The following DAPK3 variants were observed in gnomAD, a reference collection of about 807,000 sequenced individuals.
DAPK3 encodes the protein death associated protein kinase 3, also known as death-associated protein kinase 3.
A neutral mutation model predicts 30.6 loss-of-function variants in DAPK3; 24 were observed. The observed-to-expected ratio is 0.78, with a 90% CI of 0.57 to 1.10. The LOEUF is 1.10. Among genes scored for constraint, DAPK3 ranks in the 50% least tolerant of loss-of-function variants. The pLI, the probability that DAPK3 is intolerant of heterozygous loss-of-function variation, is 0.00. For synonymous variants in DAPK3, 341 were observed against 284.0 expected (o/e 1.20, Z -2.02); for missense variants, 629 against 657.3 (o/e 0.96, Z 0.47).
chr19:3,960,774 ACTCCGT>A (rs2039500988), intron 7 of DAPK3, among the ~76,000 whole-genome samples: 1 of 121,348 alleles, frequency 8.2e-6, no homozygotes. Flanking sequence ...ACAGAGCAAG[ACTCCGT>A]CTCAAAAAAA....
Position 3,960,114 on chromosome 19 carries a change from C to T in DAPK3, c.783-10G>A. 6.6e-7 allele frequency: 1 copy of T among 1,513,628 alleles called. No individual in the cohort carries two copies. The highest frequency in any genetic ancestry group is 1.1e-5 in the South Asian group (1 of 88,898). The allele number at this position is 1,513,628 out of a possible 1,614,324, so 93.8% of individuals were successfully genotyped here. A position where few individuals can be genotyped will look rare whatever the true frequency, so the allele number is the denominator to read the frequency against. On this transcript the variant is annotated splice_polypyrimidine_tract_variant and intron_variant, in intron 7 of 8. Transcript: ENST00000545797. ...AATGGTCATTCTCCGCCTGGAAGAC[C>T]CCCGCTCTGGTTAGGTACACCTGCA...
intron 6 of DAPK3, among the ~76,000 whole-genome samples, chr19:3,963,367 G>C (rs1021813620): frequency 3.3e-5 from 5 of 152,092 alleles, no homozygotes; most frequent in Admixed American, 1.3e-4. Context: ...TCGAGAGGAG[G>C]CTGGGCTCCC....
chr19:3,968,397 G>A (rs1459436255), intron 2 of DAPK3, among the ~76,000 whole-genome samples: 1 of 152,000 alleles, frequency 6.6e-6, no homozygotes, highest in Non-Finnish European at 1.5e-5. Context: ...CGGGAGGCTA[G>A]GCTGGAGGCC....
rs886649215 is a variant in DAPK3, at chr19:3,959,104, G to C, written c.1362C>G (p.Arg454=). Residue 454 remains arginine, a synonymous_variant, in exon 9 of 9, where the codon CGC becomes CGG. Transcript: ENST00000545797. ...EKLQGVECGL[R] ...GGCCTGGCCCACCCCACTGCGCCTAGCGCAGCCCGCACTCCACGCCCTGCA... is the reference window on the plus strand; with the variant it reads ...GGCCTGGCCCACCCCACTGCGCCTACCGCAGCCCGCACTCCACGCCCTGCA... 4 of 1,535,784 alleles carry C rather than the reference G, an allele frequency of 2.6e-6. No individual in the cohort carries two copies. The South Asian group carries it at 4.8e-5, about 18-fold the overall frequency.
At chr19:3,970,823 A>T (rs1365263909) in intron 1 of DAPK3, 98 bp downstream of exon 1, 1 of 152,162 alleles carries the variant, frequency 6.6e-6, no homozygotes, top group African/African-American at 2.4e-5. Flanking sequence ...GCCCATCCCT[A>T]AGGCTCCGCT....
intron 6 of DAPK3, chr19:3,961,431 G>A (rs543903246): frequency 1.2e-4 from 71 of 599,206 alleles, no homozygotes; most frequent in African/African-American, 7.0e-4. Flanking sequence ...CTGTGCAGAC[G>A]CAGAGCCCGA....
chr19:3,967,690 G>A (rs1451296504), intron 2 of DAPK3, among the ~76,000 whole-genome samples: 2 of 152,234 alleles, frequency 1.3e-5, no homozygotes, highest in Non-Finnish European at 2.9e-5. Context: ...GGGAGGCGAA[G>A]ATTGCAGTGA....
intron 1 of DAPK3, among the ~76,000 whole-genome samples, chr19:3,970,277 T>C (rs1192181179): frequency 6.6e-6 from 1 of 152,122 alleles, no homozygotes; most frequent in Non-Finnish European, 1.5e-5. Context: ...GTGTTGTTGT[T>C]TTTTGAGAAG....
Position 3,959,525 on chromosome 19 carries a change from G to A in DAPK3, c.941C>T (p.Pro314Leu). The A allele has an allele frequency of 2.5e-6, 4 of 1,571,390 alleles. No homozygotes were observed. The highest frequency in any genetic ancestry group is 3.4e-6 in the Non-Finnish European group (4 of 1,166,818). Residue 314 changes from proline to leucine, a missense_variant, in exon 9 of 9, where the codon CCG (proline) becomes CTG (leucine). By Grantham distance (98) the Pro-to-Leu change is moderately conservative. Around this residue, in one of 2 missense-constraint regions of DAPK3, gnomAD observed 323 missense variants for 278.8 expected, o/e 1.16. Transcript: ENST00000545797. ...GAAGTCGGCGTAGCTGTTGTTGGGC[G>A]GCAAGCTGGAGTGCGACTTGATGGT... is the stretch of plus-strand genomic sequence containing the variant. ...EYTIKSHSSL[P>L]PNNSYADFER... is the part of the protein sequence containing the mutation.
chr19:3,959,056 A>AGGCCGGAGAG lies in DAPK3; in HGVS notation c.*44_*45insCTCTCCGGCC. The AGGCCGGAGAG allele has an allele frequency of 7.6e-7, 1 of 1,311,516 alleles. No individual in the cohort carries two copies. Among genetic ancestry groups the AGGCCGGAGAG allele is most frequent in the South Asian group, 1.5e-5 (1 of 65,832 alleles). 81.2% of individuals were successfully genotyped at this position (1,311,516 alleles called of 1,614,324 possible). A position where few individuals can be genotyped will look rare whatever the true frequency, so the allele number is the denominator to read the frequency against. ...CGTCCACAGGAAGCGCCCCCACCGC[A>AGGCCGGAGAG]GGCCGAGCTCCGGCTGTCCTGGGGC... is the stretch of plus-strand genomic sequence containing the variant. On this transcript the variant is annotated 3_prime_UTR_variant, in exon 9 of 9. Transcript: ENST00000545797.
At chr19:3,963,566 T>C in intron 6 of DAPK3, 77 bp downstream of exon 6, 1 of 919,726 alleles carries the variant, frequency 1.1e-6, no homozygotes, top group South Asian at 1.6e-5. Flanking sequence ...ACCCCTGGCG[T>C]CCACATGAGA....
intron 6 of DAPK3, among the ~76,000 whole-genome samples, chr19:3,962,048 A>G (rs2039522490): frequency 6.6e-6 from 1 of 152,082 alleles, no homozygotes; most frequent in African/African-American, 2.4e-5. Flanking sequence ...TAGTAGAGAC[A>G]TGGTTTCATC....
intron 5 of DAPK3, 82 bp downstream of exon 5, chr19:3,963,787 AGG>A (rs772898130): frequency 1.3e-4 from 160 of 1,233,796 alleles, no homozygotes; most frequent in Non-Finnish European, 1.6e-4. Flanking sequence ...AACAGCAGCA[AGG>A]CCCCGCTTCA....
At chr19:3,966,183 G>T (rs2039575663) in intron 2 of DAPK3, among the ~76,000 whole-genome samples, 1 of 152,166 alleles carries the variant, frequency 6.6e-6, no homozygotes, top group Admixed American at 6.5e-5. Context: ...CTTCAAACCA[G>T]GTGCTGCAGG....
At chr19:3,970,298 C>G (rs1178325357) in intron 1 of DAPK3, among the ~76,000 whole-genome samples, 1 of 152,180 alleles carries the variant, frequency 6.6e-6, no homozygotes, top group Non-Finnish European at 1.5e-5. Context: ...GAGTCTCGCT[C>G]TGTCGCCCTG....
Position 3,969,842 on chromosome 19 carries a change from G to A in DAPK3, c.-94-13C>T, listed in dbSNP as rs1364338828. The A allele has an allele frequency of 5.3e-6, 4 of 749,544 alleles. No individual in the cohort carries two copies. Among genetic ancestry groups the A allele is most frequent in the Non-Finnish European group, 9.4e-6 (4 of 427,020 alleles). The allele number at this position is 749,544 out of a possible 1,614,324, so 46.4% of individuals were successfully genotyped here. On this transcript the variant is annotated splice_polypyrimidine_tract_variant and intron_variant, in intron 1 of 8. Transcript: ENST00000545797. ...CCTAATGGCAACCCTGGAGAAGACA[G>A]GGAAAGACAGAAGTGAGGAACTGAG...
rs773818338 is a variant in DAPK3 at position 3,969,784 on chromosome 19, C to CACCGCAGCCTGGAGATAGG, written c.-68_-50dup. 7.1e-7 allele frequency: 1 copy of CACCGCAGCCTGGAGATAGG among 1,412,014 alleles called. No individual in the cohort carries two copies. Among genetic ancestry groups the CACCGCAGCCTGGAGATAGG allele is most frequent in the Non-Finnish European group, 1.0e-6 (1 of 1,000,322 alleles). The allele number at this position is 1,412,014 out of a possible 1,614,324, so 87.5% of individuals were successfully genotyped here. A position where few individuals can be genotyped will look rare whatever the true frequency, so the allele number is the denominator to read the frequency against. ...GCTTCCACTCCAGGGAAAGTGCAGTCACCGCAGCCTGGAGATAGGACCTCA... is the reference window on the plus strand; with the variant it reads ...GCTTCCACTCCAGGGAAAGTGCAGTCACCGCAGCCTGGAGATAGGACCGCAGCCTGGAGATAGGACCTCA... On this transcript the variant is annotated 5_prime_UTR_variant, in exon 2 of 9. Coordinates refer to ENST00000545797, the MANE Select transcript of DAPK3 (RefSeq NM_001348.3).
In DAPK3 at chr19:3,971,056, G is replaced by C. The variant is rs1036833746; in HGVS notation, c.-230C>G. 1.3e-5 allele frequency: 2 copies of C among 154,030 alleles called. No homozygotes were observed. Among genetic ancestry groups the C allele is most frequent in the Admixed American group, 6.6e-5 (1 of 15,244 alleles). 9.5% of individuals were successfully genotyped at this position (154,030 alleles called of 1,614,324 possible). On this transcript the variant is annotated 5_prime_UTR_variant, in exon 1 of 9. Coordinates refer to ENST00000545797, the MANE Select transcript of DAPK3 (RefSeq NM_001348.3). ...CCCGGAGAATACGGCCGGCGCCGCCGCGCTGGCCACCGCCGCCGCCTCCAG... is the reference window on the plus strand; with the variant it reads ...CCCGGAGAATACGGCCGGCGCCGCCCCGCTGGCCACCGCCGCCGCCTCCAG...
Position 3,969,436 on chromosome 19 carries a change from G to A in DAPK3, c.62+238C>T, listed in dbSNP as rs559193477. The stretch of plus-strand genomic sequence containing the variant: ...CCCCATGCCAGGCACGGTCTTGGCT[G>A]CTGTAACGGCTCAATTACTTTTCTC... On this transcript the variant is annotated intron_variant, in intron 2 of 8. Coordinates refer to ENST00000545797, the MANE Select transcript of DAPK3 (RefSeq NM_001348.3). Among the ~76,000 whole-genome samples the A allele has an allele frequency of 7.9e-5, 12 of 152,258 alleles. 2 individuals carry two copies. Among genetic ancestry groups the A allele is most frequent in the African/African-American group, 2.9e-4 (12 of 41,542 alleles).
Sources: allele counts gnomAD v4.1 joint callset (sites outside exome capture counted in the v4.1 genomes callset), GRCh38; gene constraint gnomAD v4.1.1; regional missense constraint gnomAD v4.1.1; transcripts MANE v1.5; gene names NCBI Gene and HGNC (gene_info 2026-07-23, HGNC 2026-07-21).